The following SEC11A variants were observed in gnomAD, a reference collection of about 807,000 sequenced individuals.
SEC11A encodes the protein signal peptidase complex catalytic subunit SEC11A.
Under a neutral mutation model 25.6 loss-of-function variants are expected in SEC11A, and 14 were observed. The ratio of observed to expected loss-of-function variants is 0.55; its 90% CI spans 0.36 to 0.85. The LOEUF (loss-of-function observed/expected upper bound fraction) is 0.85, where lower values mean the gene tolerates loss of function less well. Among genes scored for constraint, SEC11A ranks in the 40% least tolerant of loss-of-function variants. The probability of loss-of-function intolerance (pLI) is 0.01; values close to 1 mark genes in which losing one functional copy is unlikely to be tolerated. For synonymous variants in SEC11A, 83 were observed against 76.4 expected (o/e 1.09, Z -0.45); for missense variants, 153 against 222.9 (o/e 0.69, Z 2.00).
At chr15:84,712,513 T>C (rs894969684) in intron 1 of SEC11A, among the ~76,000 whole-genome samples, 1 of 151,122 alleles carries the variant, frequency 6.6e-6, no homozygotes, top group African/African-American at 2.4e-5. Flanking sequence ...AGTGGTGCGA[T>C]CTGGGCTCAC....
chr15:84,709,663 G>C (rs781472303), intron 1 of SEC11A, among the ~76,000 whole-genome samples: 2 of 151,802 alleles, frequency 1.3e-5, no homozygotes, highest in African/African-American at 4.8e-5. Context: ...GGCTGGTTTC[G>C]AACTCCTGAC....
At chr15:84,712,633 A>T (rs1201973188) in intron 1 of SEC11A, among the ~76,000 whole-genome samples, 2 of 151,660 alleles carry the variant, frequency 1.3e-5, no homozygotes, top group African/African-American at 2.4e-5. Flanking sequence ...TTTTTAGTAG[A>T]GACAGGGTTT....
intron 1 of SEC11A, among the ~76,000 whole-genome samples, chr15:84,699,248 G>C (rs932255353): frequency 6.8e-6 from 1 of 147,314 alleles, no homozygotes. Context: ...CTGGGAGGCA[G>C]AGGTTGCAGT....
At chr15:84,673,025 C>T (rs1229981208) in intron 4 of SEC11A, 10 of 197,246 alleles carry the variant, frequency 5.1e-5, no homozygotes, top group African/African-American at 1.2e-4. Flanking sequence ...TCCCTCCGCC[C>T]GGCAGCCACC....
chr15:84,691,541 A>T lies in SEC11A; in HGVS notation c.155T>A (p.Val52Glu). 1 of 1,588,554 alleles carries T rather than the reference A, an allele frequency of 6.3e-7. No individual in the cohort carries two copies. Among genetic ancestry groups the T allele is most frequent in the Non-Finnish European group, 8.6e-7 (1 of 1,158,276 alleles). ...ITGSESPIVV[V>E]LSGSMEPAFH... ...TGAAAGGAAAAACTGTTACCTGAGC[A>T]CCACTACAATCGGACTTTCACTTCC... Residue 52 changes from valine to glutamate, a missense_variant, in exon 2 of 6, where the codon GTG becomes GAG. Physicochemically the swap from Val to Glu is moderately radical, Grantham distance 121. Coordinates refer to ENST00000268220, the MANE Select transcript of SEC11A (RefSeq NM_014300.4).
intron 4 of SEC11A, among the ~76,000 whole-genome samples, chr15:84,678,653 C>T (rs370805434): frequency 6.6e-6 from 1 of 152,058 alleles, no homozygotes; most frequent in East Asian, 1.9e-4. Flanking sequence ...GATAGTGTGA[C>T]CATTCTCCTT....
chr15:84,700,961 G>A (rs552988080), intron 1 of SEC11A, among the ~76,000 whole-genome samples: 1 of 124,402 alleles, frequency 8.0e-6, no homozygotes, highest in South Asian at 2.5e-4. Context: ...TCCTACCTGG[G>A]CAACAAGAGC....
At chr15:84,679,858 G>T (rs751435694) in intron 4 of SEC11A, 1 of 1,063,690 alleles carries the variant, frequency 9.4e-7, no homozygotes, top group Non-Finnish European at 1.4e-6. Flanking sequence ...CCTAATAAAC[G>T]TGAGTTATTG....
intron 1 of SEC11A, among the ~76,000 whole-genome samples, chr15:84,704,966 C>T (rs1898053192): frequency 6.6e-6 from 1 of 151,636 alleles, no homozygotes; most frequent in African/African-American, 2.4e-5. Flanking sequence ...ATTCTGTTGC[C>T]CAGGCTGGAG....
intron 1 of SEC11A, among the ~76,000 whole-genome samples, chr15:84,711,349 T>G (rs540498561): frequency 2.6e-5 from 4 of 151,508 alleles, no homozygotes; most frequent in South Asian, 2.1e-4. Context: ...GCCGCTGTAC[T>G]CCAGCCTGGT....
chr15:84,694,943 A>G (rs967778362), intron 1 of SEC11A, among the ~76,000 whole-genome samples: 3 of 151,840 alleles, frequency 2.0e-5, no homozygotes, highest in African/African-American at 4.8e-5. Context: ...TACAAAAATT[A>G]GCCAGGCGCA....
At chr15:84,714,018 C>CTTT (rs34873142) in intron 1 of SEC11A, among the ~76,000 whole-genome samples, 1,613 of 100,270 alleles carry the variant, frequency 0.016, 20 homozygotes, top group Non-Finnish European at 0.017. Context: ...CATATACCTT[C>CTTT]TTTTTTTTTT....
At chr15:84,700,244 T>TG (rs138124630) in intron 1 of SEC11A, among the ~76,000 whole-genome samples, 17,734 of 151,558 alleles carry the variant, frequency 0.12, 1,242 homozygotes, top group Admixed American at 0.16. Flanking sequence ...TGACCTATAA[T>TG]GAGAAAAATC....
chr15:84,696,420 G>A (rs1362484554), intron 1 of SEC11A, among the ~76,000 whole-genome samples: 4 of 152,166 alleles, frequency 2.6e-5, no homozygotes, highest in Admixed American at 2.0e-4. Flanking sequence ...TAAACAGTGA[G>A]GAATTCAGTT....
chr15:84,670,022 C>T lies in SEC11A; in HGVS notation c.537G>A (p.Glu179=). The change falls in exon 6 of 6, where the codon GAG becomes GAA. Residue 179 remains glutamate (E), a synonymous_variant. Transcript: ENST00000268220. ...LLGLFVLVHR[E] is the part of the protein sequence containing the mutation. ...CAGGAACAGCAAGGCAGGCTTCTTA[C>T]TCACGATGAACCAGCACGAATAAAC... is the stretch of plus-strand genomic sequence containing the variant. The T allele has an allele frequency of 6.2e-7, 1 of 1,613,662 alleles. No homozygotes were observed. The highest frequency in any genetic ancestry group is 8.5e-7 in the Non-Finnish European group (1 of 1,179,728).
At chr15:84,683,579 G>A (rs11854597) in intron 3 of SEC11A, among the ~76,000 whole-genome samples, 39,596 of 150,688 alleles carry the variant, frequency 0.26, 5,513 homozygotes, top group East Asian at 0.44. Flanking sequence ...TTTTTGAGAC[G>A]GAGTTTCGCA....
chr15:84,707,444 A>G (rs1898129736), intron 1 of SEC11A, among the ~76,000 whole-genome samples: 1 of 152,188 alleles, frequency 6.6e-6, no homozygotes, highest in South Asian at 2.1e-4. Context: ...TCGGCCTCCC[A>G]AAGTGCTGGG....
At chr15:84,682,065 C>A (rs1472197044) in intron 3 of SEC11A, among the ~76,000 whole-genome samples, 1 of 151,948 alleles carries the variant, frequency 6.6e-6, no homozygotes, top group African/African-American at 2.4e-5. Flanking sequence ...TCTTGAATAA[C>A]AAATAATAAT....
chr15:84,700,093 C>T (rs1174738643), intron 1 of SEC11A, among the ~76,000 whole-genome samples: 1 of 151,928 alleles, frequency 6.6e-6, no homozygotes, highest in Non-Finnish European at 1.5e-5. Context: ...CAAACTGTTT[C>T]CAACTAACTT....
Sources: gnomAD v4.1 joint callset for allele counts (sites outside exome capture counted in the v4.1 genomes callset) on GRCh38, gnomAD v4.1.1 for gene constraint, MANE v1.5 for transcripts, NCBI Gene and HGNC (gene_info 2026-07-23, HGNC 2026-07-21) for gene names.